PTPRD: variants seen among roughly 807,000 people sequenced by gnomAD.
The protein encoded by PTPRD is protein tyrosine phosphatase receptor type D.
Under a neutral mutation model 214.5 loss-of-function variants are expected in PTPRD, and 34 were observed. That is an observed-to-expected ratio of 0.16 (90% CI 0.12 to 0.21). The LOEUF (loss-of-function observed/expected upper bound fraction) is 0.21, where lower values mean the gene tolerates loss of function less well. Ranked by LOEUF, PTPRD falls within the 10% of genes least tolerant of loss-of-function variation. The pLI, the probability that PTPRD is intolerant of heterozygous loss-of-function variation, is 1.00. For synonymous variants in PTPRD, 1,128 were observed against 845.7 expected (o/e 1.33, Z -5.79); for missense variants, 2,545 against 2,398.7 (o/e 1.06, Z -1.27).
chr9:8,951,880 C>T (rs2154305939), intron 11 of PTPRD, among the ~76,000 whole-genome samples: 1 of 152,140 alleles, frequency 6.6e-6, no homozygotes, highest in East Asian at 1.9e-4. Context: ...CAAAATTCTC[C>T]AGTGCGTTTC....
At chr9:9,927,772 T>A (rs114477443) in intron 5 of PTPRD, among the ~76,000 whole-genome samples, 1 of 152,172 alleles carries the variant, frequency 6.6e-6, no homozygotes, top group East Asian at 1.9e-4. Flanking sequence ...TGCCTCTTTC[T>A]TTAGTCATTG....
At chr9:9,407,108 T>A (rs1248812538) in intron 8 of PTPRD, among the ~76,000 whole-genome samples, 1 of 151,820 alleles carries the variant, frequency 6.6e-6, no homozygotes, top group Non-Finnish European at 1.5e-5. Flanking sequence ...CACCACCATT[T>A]AAGTTCAATC....
At chr9:8,934,473 A>G (rs1588362004) in intron 11 of PTPRD, among the ~76,000 whole-genome samples, 1 of 12,464 alleles carries the variant, frequency 8.0e-5, no homozygotes, top group Admixed American at 9.5e-4. Flanking sequence ...AAATATATAT[A>G]TATAAATATA....
chr9:10,028,126 G>A (rs1489923186), intron 4 of PTPRD, among the ~76,000 whole-genome samples: 2 of 152,126 alleles, frequency 1.3e-5, no homozygotes, highest in African/African-American at 4.8e-5. Context: ...ATTGTGATAA[G>A]TCTCACAAGA....
At chr9:9,869,569 G>C (rs79860200) in intron 5 of PTPRD, among the ~76,000 whole-genome samples, 4,063 of 152,078 alleles carry the variant, frequency 0.027, 147 homozygotes, top group African/African-American at 0.087. Context: ...GGATATAATA[G>C]CAAGCATATA....
chr9:8,906,911 G>C (rs533949339), intron 11 of PTPRD, among the ~76,000 whole-genome samples: 15 of 152,096 alleles, frequency 9.9e-5, no homozygotes, highest in African/African-American at 2.7e-4. Flanking sequence ...GACTTGAGAG[G>C]GCCCAAACTT....
At chr9:9,980,246 A>AT (rs1416657959) in intron 4 of PTPRD, among the ~76,000 whole-genome samples, 1 of 152,106 alleles carries the variant, frequency 6.6e-6, no homozygotes, top group Non-Finnish European at 1.5e-5. Context: ...CCAATGAGTG[A>AT]TTTTTAATAT....
At chr9:8,516,889 G>A (rs1295180527) in intron 21 of PTPRD, among the ~76,000 whole-genome samples, 1 of 137,608 alleles carries the variant, frequency 7.3e-6, no homozygotes, top group Admixed American at 8.4e-5. Flanking sequence ...CTGCAAACTT[G>A]CAAACTCCAT....
At chr9:8,598,616 G>A (rs1360538272) in intron 14 of PTPRD, among the ~76,000 whole-genome samples, 1 of 152,116 alleles carries the variant, frequency 6.6e-6, no homozygotes, top group Non-Finnish European at 1.5e-5. Flanking sequence ...CTTTCTATCA[G>A]ATCATGCCTT....
intron 7 of PTPRD, among the ~76,000 whole-genome samples, chr9:9,664,912 A>G (rs1208869099): frequency 6.6e-6 from 1 of 151,722 alleles, no homozygotes; most frequent in African/African-American, 2.4e-5. Flanking sequence ...TCTAATCACC[A>G]GTTCCTAGAA....
chr9:10,449,953 G>A lies in PTPRD; in HGVS notation c.-599-108936C>T, dbSNP rs546596254. On this transcript the variant is annotated intron_variant, in intron 2 of 45. Transcript: ENST00000381196. ...TCTATAACCTTACCCCCAACCCCGT[G>A]CTCTCTGAAACATGTGCTGTGTCCA... 3.4e-4 allele frequency among the ~76,000 whole-genome samples: 52 copies of A among 151,752 alleles called. 1 individual carries two copies. Among genetic ancestry groups the A allele is most frequent in the African/African-American group, 1.2e-3 (50 of 41,088 alleles).
At chr9:9,308,711 C>G (rs998109756) in intron 9 of PTPRD, among the ~76,000 whole-genome samples, 2 of 152,116 alleles carry the variant, frequency 1.3e-5, no homozygotes, top group Non-Finnish European at 2.9e-5. Context: ...TATAATTAGG[C>G]ACTTATTTTT....
At chr9:8,849,439 A>G (rs2570965) in intron 11 of PTPRD, among the ~76,000 whole-genome samples, 125,135 of 152,102 alleles carry the variant, frequency 0.82, 52,020 homozygotes, top group African/African-American at 0.95. Flanking sequence ...TGTTAGCCAG[A>G]ATGGTCTCGA....
At chr9:9,928,830 A>C (rs528148903) in intron 5 of PTPRD, among the ~76,000 whole-genome samples, 3 of 151,618 alleles carry the variant, frequency 2.0e-5, no homozygotes, top group African/African-American at 7.3e-5. Context: ...GAAGCCAGTT[A>C]TTTTCTTTAA....
At chr9:9,483,778 T>A (rs898195467) in intron 8 of PTPRD, among the ~76,000 whole-genome samples, 6 of 151,368 alleles carry the variant, frequency 4.0e-5, no homozygotes, top group Non-Finnish European at 8.8e-5. Flanking sequence ...AATGTCTTCT[T>A]TCTTTTTTTT....
At chr9:9,641,807 C>T (rs905608653) in intron 7 of PTPRD, among the ~76,000 whole-genome samples, 2 of 152,098 alleles carry the variant, frequency 1.3e-5, no homozygotes, top group Non-Finnish European at 2.9e-5. Context: ...CCCAAACCAC[C>T]GTGATTTAGC....
At chr9:8,800,325 A>G (rs908408156) in intron 11 of PTPRD, among the ~76,000 whole-genome samples, 1 of 152,140 alleles carries the variant, frequency 6.6e-6, no homozygotes, top group African/African-American at 2.4e-5. Flanking sequence ...TCCATCTTGA[A>G]TAGGGGCTGG....
chr9:8,542,218 G>A (rs1010135273), intron 14 of PTPRD, among the ~76,000 whole-genome samples: 4 of 152,164 alleles, frequency 2.6e-5, no homozygotes, highest in Non-Finnish European at 4.4e-5. Flanking sequence ...CGGTGCTTGC[G>A]GGCATGTGTA....
chr9:8,337,510 T>G (rs1335873064), intron 43 of PTPRD, among the ~76,000 whole-genome samples: 1 of 152,094 alleles, frequency 6.6e-6, no homozygotes, highest in Non-Finnish European at 1.5e-5. Flanking sequence ...GATGATGGGT[T>G]GATGTTGCAC....
Sources: allele counts gnomAD v4.1 joint callset (sites outside exome capture counted in the v4.1 genomes callset), GRCh38; gene constraint gnomAD v4.1.1; transcripts MANE v1.5; gene names NCBI Gene and HGNC (gene_info 2026-07-23, HGNC 2026-07-21).